YES1: variants seen among roughly 807,000 people sequenced by gnomAD.
The protein encoded by YES1 is tyrosine-protein kinase Yes.
In YES1, 39 loss-of-function variants were observed where a neutral mutation model predicts 70.4. That is an observed-to-expected ratio of 0.55 (90% CI 0.43 to 0.72). The LOEUF (loss-of-function observed/expected upper bound fraction) is 0.72, where lower values mean the gene tolerates loss of function less well. Ranked by LOEUF, YES1 falls within the 30% of genes least tolerant of loss-of-function variation. The probability of loss-of-function intolerance (pLI) is 0.00; values close to 1 mark genes in which losing one functional copy is unlikely to be tolerated. For missense variants in YES1, 495 were observed against 644.8 expected, an observed-to-expected ratio of 0.77 and a Z score of 2.52; for synonymous variants, 198 against 218.6, an observed-to-expected ratio of 0.91 and a Z score of 0.83.
intron 3 of YES1, among the ~76,000 whole-genome samples, chr18:750,015 AAGAT>A (rs1271212141): frequency 1.3e-5 from 2 of 152,214 alleles, no homozygotes; most frequent in Non-Finnish European, 2.9e-5. Context: ...TTTAAATAGG[AAGAT>A]AGATATGGGA....
At chr18:797,252 A>G (rs1001146884) in intron 1 of YES1, among the ~76,000 whole-genome samples, 1 of 152,172 alleles carries the variant, frequency 6.6e-6, no homozygotes, top group Non-Finnish European at 1.5e-5. Context: ...CCTTCAATTG[A>G]AAAAGCAAAT....
At chr18:773,430 C>A (rs546835687) in intron 1 of YES1, among the ~76,000 whole-genome samples, 1 of 152,298 alleles carries the variant, frequency 6.6e-6, no homozygotes, top group Admixed American at 6.5e-5. Context: ...CAGCCCCTTT[C>A]CTATTTCTTA....
intron 1 of YES1, among the ~76,000 whole-genome samples, chr18:764,769 G>C (rs939804691): frequency 6.6e-6 from 1 of 151,932 alleles, no homozygotes; most frequent in Non-Finnish European, 1.5e-5. Flanking sequence ...GTCTCGTTCT[G>C]TCACCCAGGC....
At chr18:772,728 G>A (rs533416575) in intron 1 of YES1, among the ~76,000 whole-genome samples, 7 of 152,172 alleles carry the variant, frequency 4.6e-5, no homozygotes, top group South Asian at 4.2e-4. Flanking sequence ...CACCACGCCC[G>A]GCCAGCATCT....
intron 11 of YES1, among the ~76,000 whole-genome samples, chr18:731,507 T>C (rs1318506805): frequency 1.3e-5 from 2 of 152,178 alleles, no homozygotes; most frequent in African/African-American, 4.8e-5. Flanking sequence ...GCAAAACCCA[T>C]AAGATTAGCA....
intron 1 of YES1, among the ~76,000 whole-genome samples, chr18:785,080 T>C (rs1289866882): frequency 2.0e-5 from 3 of 152,136 alleles, no homozygotes; most frequent in African/African-American, 7.2e-5. Flanking sequence ...GGATCATGAG[T>C]GTCCAACCCT....
intron 11 of YES1, among the ~76,000 whole-genome samples, chr18:730,691 C>T (rs1000339486): frequency 1.3e-5 from 2 of 152,124 alleles, no homozygotes; most frequent in South Asian, 2.1e-4. Flanking sequence ...TATAAATGGG[C>T]TTCCTTGATG....
intron 1 of YES1, among the ~76,000 whole-genome samples, chr18:806,647 TA>T (rs1368873187): frequency 6.6e-6 from 1 of 152,252 alleles, no homozygotes; most frequent in African/African-American, 2.4e-5. Flanking sequence ...CAGTGAATAC[TA>T]GGTCAAGAAT....
At chr18:776,702 A>T (rs1191180016) in intron 1 of YES1, among the ~76,000 whole-genome samples, 9 of 152,190 alleles carry the variant, frequency 5.9e-5, no homozygotes, top group Admixed American at 3.9e-4. Context: ...GATCCTAATC[A>T]TACCCGTTTC....
At chr18:739,061 G>C (rs2145696141) in intron 9 of YES1, 1 of 152,288 alleles carries the variant, frequency 6.6e-6, no homozygotes, top group East Asian at 1.9e-4. Flanking sequence ...CTGACCTCAA[G>C]TGACCCACCC....
chr18:765,206 A>G (rs1248952739), intron 1 of YES1, among the ~76,000 whole-genome samples: 2 of 146,192 alleles, frequency 1.4e-5, no homozygotes, highest in Non-Finnish European at 3.0e-5. Flanking sequence ...AAAGATAATC[A>G]TCAACTTCAA....
intron 1 of YES1, among the ~76,000 whole-genome samples, chr18:808,254 GCTCTT>G (rs1456006955): frequency 1.3e-5 from 2 of 152,150 alleles, no homozygotes; most frequent in Non-Finnish European, 2.9e-5. Flanking sequence ...GGCAGCACTG[GCTCTT>G]CTCTTTCACC....
At chr18:732,468 A>G (rs71352966) in intron 11 of YES1, among the ~76,000 whole-genome samples, 2 of 150,858 alleles carry the variant, frequency 1.3e-5, no homozygotes, top group Non-Finnish European at 3.0e-5. Flanking sequence ...CAAAACACCA[A>G]TCACACTACT....
At chr18:735,527 T>C (rs921884787) in intron 10 of YES1, among the ~76,000 whole-genome samples, 1 of 151,818 alleles carries the variant, frequency 6.6e-6, no homozygotes, top group African/African-American at 2.4e-5. Context: ...AGACTACATG[T>C]TGGAGGTGAA....
At chr18:801,215 C>T (rs1315018217) in intron 1 of YES1, among the ~76,000 whole-genome samples, 6 of 152,022 alleles carry the variant, frequency 3.9e-5, no homozygotes, top group Non-Finnish European at 4.4e-5. Flanking sequence ...CACCTGTGGT[C>T]GCAGCTACTG....
chr18:734,370 C>T (rs977013689), intron 10 of YES1, among the ~76,000 whole-genome samples: 12 of 151,118 alleles, frequency 7.9e-5, no homozygotes, highest in African/African-American at 2.7e-4. Flanking sequence ...CTGGCTAATA[C>T]GGTAAAACCC....
chr18:793,820 A>G (rs974606657), intron 1 of YES1, among the ~76,000 whole-genome samples: 1 of 152,238 alleles, frequency 6.6e-6, no homozygotes, highest in Non-Finnish European at 1.5e-5. Context: ...AACTAGTTTG[A>G]AGAGGCTCTT....
chr18:779,051 C>T (rs1255650682), intron 1 of YES1, among the ~76,000 whole-genome samples: 2 of 152,000 alleles, frequency 1.3e-5, no homozygotes, highest in Non-Finnish European at 2.9e-5. Flanking sequence ...CCTGGAACCT[C>T]GTAGTTTCTT....
At chr18:730,209 C>T (rs2080071820) in intron 11 of YES1, among the ~76,000 whole-genome samples, 1 of 152,050 alleles carries the variant, frequency 6.6e-6, no homozygotes, top group Non-Finnish European at 1.5e-5. Context: ...TTTGGCTGGG[C>T]AAGAACTCCT....
Sources: gnomAD v4.1 joint callset for allele counts (sites outside exome capture counted in the v4.1 genomes callset) on GRCh38, gnomAD v4.1.1 for gene constraint, MANE v1.5 for transcripts, NCBI Gene and HGNC (gene_info 2026-07-23, HGNC 2026-07-21) for gene names.